GPATCH8: variants seen among roughly 807,000 people sequenced by gnomAD.
GPATCH8 encodes G-patch domain containing 8.
Under a neutral mutation model 118.3 loss-of-function variants are expected in GPATCH8, and 18 were observed. That is an observed-to-expected ratio of 0.15 (90% confidence interval 0.11 to 0.23). The LOEUF is 0.23. Among genes scored for constraint, GPATCH8 ranks in the 10% least tolerant of loss-of-function variants. GPATCH8 has a pLI of 1.00. For synonymous variants in GPATCH8, 659 were observed against 684.7 expected (o/e 0.96, Z 0.59); for missense variants, 1,631 against 1,873.8 (o/e 0.87, Z 2.39).
intron 5 of GPATCH8, among the ~76,000 whole-genome samples, chr17:44,428,456 G>T (rs373669760): frequency 4.2e-4 from 63 of 151,416 alleles, no homozygotes; most frequent in Admixed American, 3.2e-3. Context: ...TCGCACCATT[G>T]CACTCTGGCC....
chr17:44,467,511 A>T (rs1416750244), intron 2 of GPATCH8, among the ~76,000 whole-genome samples: 1 of 152,134 alleles, frequency 6.6e-6, no homozygotes, highest in African/African-American at 2.4e-5. Context: ...TTTCTCAGGG[A>T]CTATAATAAA....
In GPATCH8 at chr17:44,397,010, G is replaced by A; in HGVS notation, c.*558C>T. The A allele has an allele frequency of 4.4e-6, 2 of 454,020 alleles. No individual in the cohort carries two copies. Among genetic ancestry groups the A allele is most frequent in the South Asian group, 3.1e-5 (2 of 64,468 alleles). 28.1% of individuals were successfully genotyped at this position (454,020 alleles called of 1,614,324 possible). A position where few individuals can be genotyped will look rare whatever the true frequency, so the allele number is the denominator to read the frequency against. ...TGGAATTGCAGCCTGAGTTATATCA[G>A]GTTCCAGGTGAGACGCTTTCCACCT... On this transcript the variant is annotated 3_prime_UTR_variant, in exon 8 of 8. Coordinates refer to ENST00000591680, the MANE Select transcript of GPATCH8 (RefSeq NM_001002909.4).
At chr17:44,491,939 G>T (rs533530549) in intron 1 of GPATCH8, among the ~76,000 whole-genome samples, 32 of 152,226 alleles carry the variant, frequency 2.1e-4, no homozygotes, top group African/African-American at 7.5e-4. Flanking sequence ...AGGAGAAAAA[G>T]CCTATCCAAA....
At chr17:44,498,145 C>G (rs758040883) in intron 1 of GPATCH8, among the ~76,000 whole-genome samples, 37 of 152,048 alleles carry the variant, frequency 2.4e-4, no homozygotes, top group Non-Finnish European at 5.0e-4. Flanking sequence ...ACATGAGAAA[C>G]TGTGATGAAA....
intron 6 of GPATCH8, among the ~76,000 whole-genome samples, chr17:44,411,228 T>C (rs528991980): frequency 7.2e-5 from 11 of 152,314 alleles, no homozygotes; most frequent in Non-Finnish European, 1.5e-4. Flanking sequence ...GGCCTCTTTC[T>C]ATAGTGGTTA....
chr17:44,395,308 A>G lies in GPATCH8; in HGVS notation c.*2260T>C, dbSNP rs1365014378. ...TCCACAAATCATTGGTTTATTAGAA[A>G]GTTCCTTTCCCTCATTTTACAGCAT... On this transcript the variant is annotated 3_prime_UTR_variant, in exon 8 of 8. Coordinates refer to ENST00000591680, the MANE Select transcript of GPATCH8 (RefSeq NM_001002909.4). 3 of 389,196 alleles carry G rather than the reference A, an allele frequency of 7.7e-6. No individual in the cohort carries two copies. Among genetic ancestry groups the G allele is most frequent in the Non-Finnish European group, 1.5e-5 (3 of 200,020 alleles). The allele number at this position is 389,196 out of a possible 1,614,324, so 24.1% of individuals were successfully genotyped here.
rs368694004 is a variant in GPATCH8 at position 44,430,044 on chromosome 17, AAACC to A, written c.348+5017_348+5020del. On this transcript the variant is annotated intron_variant, in intron 5 of 7. Coordinates refer to ENST00000591680, the MANE Select transcript of GPATCH8 (RefSeq NM_001002909.4). ...GTCTCAACAAAGCAAGACTGTCTCAAAACCAACCAACCAACCAACCAACTCACCG... is the reference window on the plus strand; with the variant it reads ...GTCTCAACAAAGCAAGACTGTCTCAAAACCAACCAACCAACCAACTCACCG... Among the ~76,000 whole-genome samples the A allele has an allele frequency of 4.9e-3, 746 of 151,978 alleles. 3 individuals are homozygous for A. Among genetic ancestry groups the A allele is most frequent in the African/African-American group, 0.017 (705 of 41,398 alleles).
chr17:44,502,132 G>A (rs1362827452), intron 1 of GPATCH8, among the ~76,000 whole-genome samples: 1 of 152,122 alleles, frequency 6.6e-6, no homozygotes, highest in Non-Finnish European at 1.5e-5. Flanking sequence ...AGCGTTCTAT[G>A]TACTAGACTG....
chr17:44,399,581 A>G lies in GPATCH8; in HGVS notation c.2496T>C (p.Ser832=), dbSNP rs1374729300. 6 of 1,614,000 alleles carry G rather than the reference A, an allele frequency of 3.7e-6. No homozygotes were observed. Among genetic ancestry groups the G allele is most frequent in the Non-Finnish European group, 5.1e-6 (6 of 1,180,024 alleles). Residue 832 remains serine, a synonymous_variant, in exon 8 of 8, where the codon TCT becomes TCC. Transcript: ENST00000591680. ...CTTCTTCCTCACTGTACTGGGATGGAGACTTCTGGTGCAGCCGGTGTGAGG... is the reference window on the plus strand; with the variant it reads ...CTTCTTCCTCACTGTACTGGGATGGGGACTTCTGGTGCAGCCGGTGTGAGG... The part of the protein sequence containing the change: ...DASSHRLHQK[S]PSQYSEEEEE...
At position 44,403,652 on chromosome 17, in the gene GPATCH8, A is replaced by G. The variant is rs544313865; in HGVS notation, c.624-2199T>C. 7.9e-5 allele frequency among the ~76,000 whole-genome samples: 12 copies of G among 151,948 alleles called. No homozygotes were observed. In the South Asian group the frequency reaches 2.1e-3, roughly 26 times the overall value. On this transcript the variant is annotated intron_variant, in intron 7 of 7. Coordinates refer to ENST00000591680, the MANE Select transcript of GPATCH8 (RefSeq NM_001002909.4). ...CAAACCCTAGCTAACAGCTTTCCTC[A>G]ACTCAGGGATAAGTATATTCAGACA...
intron 1 of GPATCH8, among the ~76,000 whole-genome samples, chr17:44,483,138 G>A (rs1968413556): frequency 1.5e-5 from 1 of 67,494 alleles, no homozygotes; most frequent in African/African-American, 6.0e-5. Flanking sequence ...CTGGGCGAAA[G>A]AGTGAGACTC....
chr17:44,461,047 A>T (rs1216760996), intron 3 of GPATCH8, among the ~76,000 whole-genome samples: 1 of 152,246 alleles, frequency 6.6e-6, no homozygotes, highest in Non-Finnish European at 1.5e-5. Flanking sequence ...TGGAGAATAA[A>T]GATACTAATC....
intron 5 of GPATCH8, among the ~76,000 whole-genome samples, chr17:44,425,939 C>A (rs1305155734): frequency 6.6e-6 from 1 of 152,074 alleles, no homozygotes; most frequent in East Asian, 1.9e-4. Context: ...ATTAAAAAAA[C>A]CCCACCAACT....
chr17:44,489,983 T>C (rs1969118303), intron 1 of GPATCH8, among the ~76,000 whole-genome samples: 1 of 152,102 alleles, frequency 6.6e-6, no homozygotes, highest in Non-Finnish European at 1.5e-5. Context: ...GATGATCATA[T>C]ATCATACAAA....
At chr17:44,493,842 C>T (rs1969467874) in intron 1 of GPATCH8, among the ~76,000 whole-genome samples, 1 of 152,198 alleles carries the variant, frequency 6.6e-6, no homozygotes, top group African/African-American at 2.4e-5. Flanking sequence ...AGGATTAGTA[C>T]CTCTTCTATT....
chr17:44,483,206 T>TATATACACAC (rs1555646851), intron 1 of GPATCH8, among the ~76,000 whole-genome samples: 28 of 77,476 alleles, frequency 3.6e-4, no homozygotes, highest in African/African-American at 1.4e-3. Context: ...TATATATATA[T>TATATACACAC]ATATATATAT....
At position 44,396,612 on chromosome 17, in the gene GPATCH8, T is replaced by C. The variant is rs1252027387; in HGVS notation, c.*956A>G. ...TTTTATAACCTTTAGAGTTTCTTAA[T>C]TCAACTAGGGCAAACATATTTACAC... is the stretch of plus-strand genomic sequence containing the variant. On this transcript the variant is annotated 3_prime_UTR_variant, in exon 8 of 8. Transcript: ENST00000591680. 1 of 441,498 alleles carries C rather than the reference T, an allele frequency of 2.3e-6. No homozygotes were observed. The highest frequency in any genetic ancestry group is 4.5e-6 in the Non-Finnish European group (1 of 223,612). The allele number at this position is 441,498 out of a possible 1,614,324, so 27.3% of individuals were successfully genotyped here.
At chr17:44,452,290 GAAAAAAAA>G (rs781273009) in intron 3 of GPATCH8, among the ~76,000 whole-genome samples, 1 of 107,242 alleles carries the variant, frequency 9.3e-6, no homozygotes, top group Admixed American at 9.4e-5. Flanking sequence ...AAAAAAAAAA[GAAAAAAAA>G]AAAAAGGAAA....
intron 1 of GPATCH8, among the ~76,000 whole-genome samples, chr17:44,490,935 C>T (rs1969198895): frequency 6.6e-6 from 1 of 152,170 alleles, no homozygotes; most frequent in African/African-American, 2.4e-5. Context: ...CAGGAATTGC[C>T]TTAAATTTAT....
Sources: allele counts gnomAD v4.1 joint callset (sites outside exome capture counted in the v4.1 genomes callset), GRCh38; gene constraint gnomAD v4.1.1; transcripts MANE v1.5; gene names NCBI Gene and HGNC (gene_info 2026-07-23, HGNC 2026-07-21).